The following SI variants were observed in gnomAD, a reference collection of about 807,000 sequenced individuals.
SI encodes sucrase-isomaltase, intestinal.
A neutral mutation model predicts 253.3 loss-of-function variants in SI; 235 were observed. That is an observed-to-expected ratio of 0.93 (90% confidence interval 0.83 to 1.03). The LOEUF (loss-of-function observed/expected upper bound fraction) is 1.03. SI is among the 50% of genes least tolerant of loss of function. The probability of loss-of-function intolerance (pLI) is 0.00; values close to 1 mark genes in which losing one functional copy is unlikely to be tolerated. For missense variants in SI, 2,442 were observed against 2,211.1 expected, an observed-to-expected ratio of 1.10 and a Z score of -2.09; for synonymous variants, 819 against 712.0, an observed-to-expected ratio of 1.15 and a Z score of -2.39.
intron 30 of SI, 37 bp from the exon 31 acceptor site, chr3:165,017,710 C>T: frequency 1.2e-6 from 2 of 1,605,286 alleles, no homozygotes; most frequent in Non-Finnish European, 1.7e-6. Flanking sequence ...AAGAGAATTA[C>T]TTTATGCTAT....
chr3:164,995,248 T>G (rs1299111114), intron 40 of SI, among the ~76,000 whole-genome samples: 1 of 151,774 alleles, frequency 6.6e-6, no homozygotes, highest in African/African-American at 2.4e-5. Context: ...ATGTCATAGC[T>G]GTTATATGCA....
At position 165,023,638 on chromosome 3, in the gene SI, G is replaced by A. The variant is rs1358892952; in HGVS notation, c.3031C>T (p.Pro1011Ser). The change falls in exon 26 of 48, where the codon CCT becomes TCT. Residue 1011 changes from proline to serine, a missense_variant. By Grantham distance (74) the Pro-to-Ser change is moderately conservative. Coordinates refer to ENST00000264382, the MANE Select transcript of SI (RefSeq NM_001041.4). Reference protein sequence around the residue: ...LNTANARIKLPSDPISTLRVE... With the variant: ...LNTANARIKLSSDPISTLRVE... ...CGAAGAGTTGAGATGGGGTCAGAAG[G>A]TAACTTTATTCTGGCATTTGCAGTA... The A allele has an allele frequency of 6.2e-7, 1 of 1,610,774 alleles. No homozygotes were observed. The highest frequency in any genetic ancestry group is 1.3e-5 in the African/African-American group (1 of 74,658).
At chr3:165,083,210 G>A (rs558678055), upstream of SI, among the ~76,000 whole-genome samples, 3 of 151,672 alleles carry the variant, frequency 2.0e-5, no homozygotes, top group Non-Finnish European at 2.9e-5. Flanking sequence ...ATTTAATAGG[G>A]TATGTGGCTG....
chr3:165,068,673 C>A, intron 5 of SI, 49 bp downstream of exon 5: 1 of 1,358,136 alleles, frequency 7.4e-7, no homozygotes, highest in South Asian at 1.2e-5. Context: ...GCGCCCAGCC[C>A]ATCAAATGTC....
Position 164,982,292 on chromosome 3 carries a change from T to C in SI, c.5366A>G (p.Tyr1789Cys), listed in dbSNP as rs1717224640. Residue 1789 changes from tyrosine (Y) to cysteine (C), a missense_variant, in exon 47 of 48, where the codon TAT (tyrosine) becomes TGT (cysteine). By Grantham distance (194) the Tyr-to-Cys change is radical. Transcript: ENST00000264382. Reference sequence around the variant, plus strand: ...AGGAAGCGAATTTTTATTTCCGTTATACGTTAGAGTAACTGCATTGACAGG... The same window carrying C: ...AGGAAGCGAATTTTTATTTCCGTTACACGTTAGAGTAACTGCATTGACAGG... ...TTPVNAVTLT[Y>C]NGNKNSLPFN... 4 of 1,613,202 alleles carry C rather than the reference T, an allele frequency of 2.5e-6. No homozygotes were observed. The highest frequency in any genetic ancestry group is 3.4e-6 in the Non-Finnish European group (4 of 1,179,456).
At chr3:165,049,277 A>G in intron 14 of SI, 33 bp from the exon 15 acceptor site, 1 of 1,160,098 alleles carries the variant, frequency 8.6e-7, no homozygotes, top group Non-Finnish European at 1.3e-6. Context: ...CATTTCTTAT[A>G]TTTTTCCATT....
Position 164,996,738 on chromosome 3 carries a change from A to G in SI, c.4575T>C (p.Tyr1525=), listed in dbSNP as rs370402596. 3.5e-6 allele frequency: 4 copies of G among 1,150,138 alleles called. No homozygotes were observed. The highest frequency in any genetic ancestry group is 3.9e-6 in the Non-Finnish European group (3 of 770,416). The allele number at this position is 1,150,138 out of a possible 1,614,324, so 71.2% of individuals were successfully genotyped here. The change falls in exon 39 of 48, where the codon TAT becomes TAC. Residue 1525 remains tyrosine, a splice_region_variant and synonymous_variant. Transcript: ENST00000264382. ...MMEFSLFGMS[Y]TGADICGFFN... ...AGATAAAAGGAATAAAACTACTTACATATGACATTCCAAACAGACTAAATT... is the reference window on the plus strand; with the variant it reads ...AGATAAAAGGAATAAAACTACTTACGTATGACATTCCAAACAGACTAAATT...
chr3:165,055,512 A>G (rs1713652896), intron 12 of SI, among the ~76,000 whole-genome samples: 1 of 152,026 alleles, frequency 6.6e-6, no homozygotes, highest in Non-Finnish European at 1.5e-5. Flanking sequence ...TGAAATCATG[A>G]AGCATTTAGG....
intron 13 of SI, 102 bp downstream of exon 13, chr3:165,055,092 T>C (rs1301077786): frequency 2.8e-6 from 2 of 720,890 alleles, no homozygotes; most frequent in African/African-American, 1.8e-5. Context: ...AAATTTTACA[T>C]TGAATACATC....
At position 165,033,395 on chromosome 3, in the gene SI, A is replaced by G. The variant is rs1407547615; in HGVS notation, c.2565T>C (p.Asn855=). 6.4e-7 allele frequency: 1 copy of G among 1,558,816 alleles called. No homozygotes were observed. The highest frequency in any genetic ancestry group is 1.8e-5 in the Admixed American group (1 of 56,402). The stretch of plus-strand genomic sequence containing the variant: ...GTATATGTACAAAGAGAGTGCTTAC[A>G]TTAGAAACTGAAAATGTATATAATA... The part of the protein sequence containing the change: ...NYILYTFSVS[N]NTLDIVCTHS... The change falls in exon 23 of 48, where the codon AAT becomes AAC. Residue 855 remains asparagine (N), a splice_region_variant and synonymous_variant. Transcript: ENST00000264382.
chr3:165,050,874 T>C (rs1234240592), intron 13 of SI, among the ~76,000 whole-genome samples: 1 of 152,068 alleles, frequency 6.6e-6, no homozygotes, highest in Non-Finnish European at 1.5e-5. Flanking sequence ...CCCTCTTATT[T>C]CAGCTTTCAA....
chr3:165,006,942 CT>C lies in SI; in HGVS notation c.4279del (p.Arg1427GlufsTer38). 2 of 1,609,544 alleles carry C rather than the reference CT, an allele frequency of 1.2e-6. No individual in the cohort carries two copies. Among genetic ancestry groups the C allele is most frequent in the Non-Finnish European group, 1.7e-6 (2 of 1,176,558 alleles). On this transcript the variant is annotated frameshift_variant, in exon 37 of 48. Transcript: ENST00000264382. LOFTEE classifies it high-confidence loss of function. ...YPPYFPELTK[R>X]TDGLHFRTIC... ...TGTTCTGAAATGTAATCCATCAGTTCTTTTTGTGAGTTCTGGAAAGAATCAA... is the reference window on the plus strand; with the variant it reads ...TGTTCTGAAATGTAATCCATCAGTTCTTTTGTGAGTTCTGGAAAGAATCAA...
At chr3:165,055,114 T>C in intron 13 of SI, 80 bp downstream of exon 13, 2 of 856,416 alleles carry the variant, frequency 2.3e-6, no homozygotes, top group Non-Finnish European at 3.9e-6. Context: ...GAAAAAAATA[T>C]TTTGTTGACT....
In SI at chr3:164,979,174, G is replaced by T; in HGVS notation, c.*188C>A. ...ATTTTGTTAAATATGCCTTAAAATT[G>T]AATCCAAGTCACATTACTATAATAA... On this transcript the variant is annotated 3_prime_UTR_variant, in exon 48 of 48. Transcript: ENST00000264382. 1.8e-6 allele frequency: 1 copy of T among 558,568 alleles called. No homozygotes were observed. The highest frequency in any genetic ancestry group is 2.4e-5 in the South Asian group (1 of 42,402). The allele number at this position is 558,568 out of a possible 1,614,324, so 34.6% of individuals were successfully genotyped here.
At chr3:165,005,489 A>C (rs945453561) in intron 37 of SI, among the ~76,000 whole-genome samples, 1 of 152,072 alleles carries the variant, frequency 6.6e-6, no homozygotes, top group Non-Finnish European at 1.5e-5. Context: ...TGCACATGAC[A>C]CTTAAAAAAA....
In SI at chr3:164,992,371, T is replaced by G. The variant is rs146899814; in HGVS notation, c.4868A>C (p.Asp1623Ala). Residue 1623 changes from aspartate to alanine, a missense_variant, in exon 42 of 48, where the codon GAT becomes GCT. By Grantham distance (126) the Asp-to-Ala change is moderately radical. Transcript: ENST00000264382. ...HEFFDEKPTW[D>A]IFKQFLWGPA... ...ACCCCATAAGAACTGCTTGAATATA[T>G]CCCAGGTTGGTTTTTCATCAAAGAA... is the stretch of plus-strand genomic sequence containing the variant. 493 of 1,612,312 alleles carry G rather than the reference T, an allele frequency of 3.1e-4. 1 individual carries two copies. The African/African-American group carries it at 6.0e-3, about 20-fold the overall frequency.
At chr3:164,999,969 C>T (rs1182966686) in intron 37 of SI, among the ~76,000 whole-genome samples, 1 of 151,006 alleles carries the variant, frequency 6.6e-6, no homozygotes, top group Non-Finnish European at 1.5e-5. Flanking sequence ...ATAAAATGGC[C>T]ATTTAGGAAT....
chr3:165,035,112 A>C, intron 22 of SI, among the ~76,000 whole-genome samples: 1 of 151,962 alleles, frequency 6.6e-6, no homozygotes, highest in East Asian at 1.9e-4. Context: ...GAGCAGATAC[A>C]TGGTGGTAAG....
At chr3:165,031,259 T>C (rs576130861) in intron 24 of SI, among the ~76,000 whole-genome samples, 77 of 149,468 alleles carry the variant, frequency 5.2e-4, no homozygotes, top group Non-Finnish European at 8.8e-4. Context: ...CCAAACATAA[T>C]TGCAAAACTT....
Sources: gnomAD v4.1 joint callset for allele counts (sites outside exome capture counted in the v4.1 genomes callset) on GRCh38, gnomAD v4.1.1 for gene constraint, MANE v1.5 for transcripts, NCBI Gene and HGNC (gene_info 2026-07-23, HGNC 2026-07-21) for gene names.